Variants in POGZ observed in about 807,000 individuals in gnomAD.
POGZ encodes pogo transposable element with ZNF domain.
POGZ carries 17 observed loss-of-function variants against 134.6 expected under a neutral mutation model. The ratio of observed to expected loss-of-function variants is 0.13; its 90% CI spans 0.09 to 0.19. The LOEUF (loss-of-function observed/expected upper bound fraction) is 0.19. POGZ is among the 10% of genes least tolerant of loss of function. The pLI is 1.00. For synonymous variants in POGZ, 693 were observed against 657.1 expected (o/e 1.05, Z -0.84); for missense variants, 1,306 against 1,769.7 (o/e 0.74, Z 4.70).
chr1:151,412,876 G>A (rs1466616586), intron 10 of POGZ, among the ~76,000 whole-genome samples: 1 of 151,982 alleles, frequency 6.6e-6, no homozygotes, highest in Admixed American at 6.6e-5. Context: ...TAATCAGCTG[G>A]CCTCCAATAC....
At chr1:151,428,077 C>T in intron 6 of POGZ, 36 bp from the exon 7 acceptor site, 1 of 1,613,260 alleles carries the variant, frequency 6.2e-7, no homozygotes. Context: ...TGTTCTCCAC[C>T]CACCATCCCA....
At position 151,404,853 on chromosome 1, in the gene POGZ, G is replaced by A. The variant is rs753242219; in HGVS notation, c.4182C>T (p.Thr1394=). The A allele has an allele frequency of 1.8e-5, 29 of 1,613,172 alleles. No homozygotes were observed. Among genetic ancestry groups the A allele is most frequent in the African/African-American group, 5.4e-5 (4 of 74,568 alleles). Residue 1394 remains threonine (T), a synonymous_variant, in exon 19 of 19, where the codon ACC becomes ACT. Coordinates refer to ENST00000271715, the MANE Select transcript of POGZ (RefSeq NM_015100.4). Reference sequence around the variant, plus strand: ...CTTCTTCAAAGCCATAGAAAGACTCGGTCTCACTTTCACCCTCAAAGAGCT... The same window carrying A: ...CTTCTTCAAAGCCATAGAAAGACTCAGTCTCACTTTCACCCTCAAAGAGCT... ...LHQLFEGESE[T]ESFYGFEEAD... is the part of the protein sequence containing the mutation.
intron 1 of POGZ, among the ~76,000 whole-genome samples, chr1:151,447,046 T>G (rs1005696461): frequency 9.2e-5 from 14 of 152,132 alleles, no homozygotes; most frequent in African/African-American, 3.1e-4. Context: ...ATAAATATTT[T>G]GGTATGTAGG....
At position 151,404,384 on chromosome 1, in the gene POGZ, G is replaced by A. The variant is rs1431679916; in HGVS notation, c.*418C>T. 3 of 988,874 alleles carry A rather than the reference G, an allele frequency of 3.0e-6. No homozygotes were observed. In the African/African-American group the frequency reaches 5.2e-5, roughly 17 times the overall value. The allele number at this position is 988,874 out of a possible 1,614,324, so 61.3% of individuals were successfully genotyped here. A position where few individuals can be genotyped will look rare whatever the true frequency, so the allele number is the denominator to read the frequency against. Reference sequence around the variant, plus strand: ...GATAGCATCATGCCCAAAGACATTGGCCACACAATAAAACAAACAAAAAAA... The same window carrying A: ...GATAGCATCATGCCCAAAGACATTGACCACACAATAAAACAAACAAAAAAA... On this transcript the variant is annotated 3_prime_UTR_variant, in exon 19 of 19. Coordinates refer to ENST00000271715, the MANE Select transcript of POGZ (RefSeq NM_015100.4).
chr1:151,409,054 C>T (rs766460325), intron 12 of POGZ, among the ~76,000 whole-genome samples: 1 of 152,158 alleles, frequency 6.6e-6, no homozygotes, highest in Non-Finnish European at 1.5e-5. Context: ...TCCAGGATGA[C>T]TAAGTTCTCA....
chr1:151,404,522 G>T lies in POGZ; in HGVS notation c.*280C>A. The stretch of plus-strand genomic sequence containing the variant: ...TTGTCAGAAAAATACCAAACACAGT[G>T]ATTTAAATTTAAAAAAAAAAAAAGT... On this transcript the variant is annotated 3_prime_UTR_variant, in exon 19 of 19. Coordinates refer to ENST00000271715, the MANE Select transcript of POGZ (RefSeq NM_015100.4). 8 of 1,100,774 alleles carry T rather than the reference G, an allele frequency of 7.3e-6. No individual in the cohort carries two copies. Among genetic ancestry groups the T allele is most frequent in the Non-Finnish European group, 8.8e-6 (8 of 904,680 alleles). 68.2% of individuals were successfully genotyped at this position (1,100,774 alleles called of 1,614,324 possible). A position where few individuals can be genotyped will look rare whatever the true frequency, so the allele number is the denominator to read the frequency against.
Position 151,404,616 on chromosome 1 carries a change from A to G in POGZ, c.*186T>C. The G allele has an allele frequency of 3.0e-6, 4 of 1,354,550 alleles. No homozygotes were observed. The highest frequency in any genetic ancestry group is 3.8e-6 in the Non-Finnish European group (4 of 1,057,932). 83.9% of individuals were successfully genotyped at this position (1,354,550 alleles called of 1,614,324 possible). A position where few individuals can be genotyped will look rare whatever the true frequency, so the allele number is the denominator to read the frequency against. The stretch of plus-strand genomic sequence containing the variant: ...GCTCCTTGGCTCAGACGTGATTACT[A>G]TTGGTTTTCCTAATTAATCCACAAA... On this transcript the variant is annotated 3_prime_UTR_variant, in exon 19 of 19. Coordinates refer to ENST00000271715, the MANE Select transcript of POGZ (RefSeq NM_015100.4).
intron 4 of POGZ, 139 bp downstream of exon 4, chr1:151,430,527 G>C: frequency 3.2e-6 from 2 of 617,092 alleles, no homozygotes; most frequent in Non-Finnish European, 5.5e-6. Context: ...TCAAATTACA[G>C]AACAGTAAAA....
At chr1:151,417,605 G>A (rs977129373) in intron 10 of POGZ, among the ~76,000 whole-genome samples, 3 of 147,566 alleles carry the variant, frequency 2.0e-5, no homozygotes, top group Admixed American at 1.3e-4. Flanking sequence ...TAGGTGATCC[G>A]TCCGCCTCAG....
chr1:151,412,266 G>GCTACC (rs755584347), intron 11 of POGZ, 30 bp downstream of exon 11: 2 of 1,242,264 alleles, frequency 1.6e-6, no homozygotes, highest in Admixed American at 3.6e-5. Flanking sequence ...GGGCAAAACT[G>GCTACC]CTAAAACTCC....
chr1:151,452,735 G>A (rs1177840067), intron 1 of POGZ, among the ~76,000 whole-genome samples: 2 of 151,726 alleles, frequency 1.3e-5, no homozygotes, highest in East Asian at 3.9e-4. Flanking sequence ...GTGGTGGCTG[G>A]TGCCTGCAGT....
At chr1:151,435,186 C>G (rs1295463807) in intron 3 of POGZ, among the ~76,000 whole-genome samples, 1 of 152,202 alleles carries the variant, frequency 6.6e-6, no homozygotes, top group Non-Finnish European at 1.5e-5. Flanking sequence ...TAGGCGTGAG[C>G]CACTGCGCCC....
Position 151,408,674 on chromosome 1 carries a change from G to A in POGZ, c.2061+20C>T. The A allele has an allele frequency of 6.2e-7, 1 of 1,611,178 alleles. No homozygotes were observed. Among genetic ancestry groups the A allele is most frequent in the East Asian group, 2.2e-5 (1 of 44,866 alleles). ...TTCCTCCCTCCCTGGGCCTATAAAA[G>A]ACACTGGCAAACTCTTTACCTTGGT... On this transcript the variant is annotated intron_variant, in intron 13 of 18. Coordinates refer to ENST00000271715, the MANE Select transcript of POGZ (RefSeq NM_015100.4).
At chr1:151,458,839 G>C (rs1297597288) in intron 1 of POGZ, among the ~76,000 whole-genome samples, 2 of 145,434 alleles carry the variant, frequency 1.4e-5, no homozygotes, top group African/African-American at 4.9e-5. Context: ...GCGGGCGCCG[G>C]GGGGCGGGGG....
chr1:151,451,958 G>A (rs1270752772), intron 1 of POGZ, among the ~76,000 whole-genome samples: 4 of 151,430 alleles, frequency 2.6e-5, no homozygotes, highest in African/African-American at 9.7e-5. Context: ...TTAGCCGGGC[G>A]TGGTGGTGGG....
intron 3 of POGZ, among the ~76,000 whole-genome samples, chr1:151,432,423 A>T (rs1256371660): frequency 6.6e-6 from 1 of 152,238 alleles, no homozygotes; most frequent in Admixed American, 6.5e-5. Context: ...TCAGTAGACT[A>T]GACCCTCAGT....
chr1:151,428,127 C>G lies in POGZ; in HGVS notation c.855G>C (p.Lys285Asn). The change falls in exon 6 of 19, where the codon AAG becomes AAC. Residue 285 changes from lysine to asparagine, a missense_variant. Coordinates refer to ENST00000271715, the MANE Select transcript of POGZ (RefSeq NM_015100.4). ...PGQSNQTTNP[K>N]LAPSFPSPPA... ...TCTCCTCTTCCGAAGCCTTACCTAG[C>G]TTGGGATTCGTGGTCTGGTTTGACT... The G allele has an allele frequency of 1.2e-6, 2 of 1,614,120 alleles. No homozygotes were observed. Among genetic ancestry groups the G allele is most frequent in the Non-Finnish European group, 1.7e-6 (2 of 1,179,934 alleles).
chr1:151,456,035 G>C (rs1662734126), intron 1 of POGZ, among the ~76,000 whole-genome samples: 1 of 151,498 alleles, frequency 6.6e-6, no homozygotes, highest in South Asian at 2.1e-4. Context: ...GAGCCACCAC[G>C]CTAGGCCAAA....
At chr1:151,455,120 AGAC>A (rs1321813141) in intron 1 of POGZ, 1 of 152,074 alleles carries the variant, frequency 6.6e-6, no homozygotes, top group Admixed American at 6.6e-5. Context: ...AAAAAAAAAA[AGAC>A]AAGTTTTTGT....
Sources: allele counts gnomAD v4.1 joint callset (sites outside exome capture counted in the v4.1 genomes callset), GRCh38; gene constraint gnomAD v4.1.1; transcripts MANE v1.5; gene names NCBI Gene and HGNC (gene_info 2026-07-23, HGNC 2026-07-21).